The following SBF2 variants were observed in gnomAD, a reference collection of about 807,000 sequenced individuals.
SBF2 encodes SET binding factor 2.
A neutral mutation model predicts 225.2 loss-of-function variants in SBF2; 112 were observed. The ratio of observed to expected loss-of-function variants is 0.50; its 90% confidence interval spans 0.43 to 0.58. The LOEUF (loss-of-function observed/expected upper bound fraction) is 0.58, where lower values mean the gene tolerates loss of function less well. SBF2 is among the 20% of genes least tolerant of loss of function. The probability of loss-of-function intolerance (pLI) is 0.00; values close to 1 mark genes in which losing one functional copy is unlikely to be tolerated. For missense variants in SBF2, 1,996 were observed against 2,206.2 expected (o/e 0.90, Z 1.91); for synonymous variants, 763 against 773.3 (o/e 0.99, Z 0.22).
intron 1 of SBF2, among the ~76,000 whole-genome samples, chr11:10,228,633 G>T (rs1958684020): frequency 6.6e-6 from 1 of 151,934 alleles, no homozygotes; most frequent in Admixed American, 6.6e-5. Context: ...TATTGATTTT[G>T]GCATGTTGAA....
At position 9,992,588 on chromosome 11, in the gene SBF2, C is replaced by T. The variant is rs75298283; in HGVS notation, c.1168-45G>A. 431 of 1,581,486 alleles carry T rather than the reference C, an allele frequency of 2.7e-4. 2 individuals are homozygous for T. The African/African-American group carries it at 3.1e-3, about 11-fold the overall frequency. ...GAAATAATAATTTATCACTTGGTAA[C>T]GGACAAATGGTCAAAACAGAAATAC... On this transcript the variant is annotated intron_variant, in intron 11 of 39. Transcript: ENST00000256190.
At chr11:9,953,205 G>A (rs562691340) in intron 16 of SBF2, among the ~76,000 whole-genome samples, 1 of 152,320 alleles carries the variant, frequency 6.6e-6, no homozygotes, top group Non-Finnish European at 1.5e-5. Flanking sequence ...CAGCACTTTG[G>A]GAGGCTGAGA....
At chr11:9,868,970 G>A (rs1858482622) in intron 17 of SBF2, among the ~76,000 whole-genome samples, 2 of 152,184 alleles carry the variant, frequency 1.3e-5, no homozygotes, top group African/African-American at 4.8e-5. Context: ...AATATTAGAA[G>A]TTGTAAAATT....
At chr11:9,809,544 A>ATTTT (rs35374748) in intron 30 of SBF2, among the ~76,000 whole-genome samples, 1 of 136,330 alleles carries the variant, frequency 7.3e-6, no homozygotes. Flanking sequence ...TGTTTCAGAC[A>ATTTT]TTTTTTTTTT....
Position 10,026,543 on chromosome 11 carries a change from C to A in SBF2, c.619+1909G>T, listed in dbSNP as rs1206278001. On this transcript the variant is annotated intron_variant, in intron 6 of 39. Coordinates refer to ENST00000256190, the MANE Select transcript of SBF2 (RefSeq NM_030962.4). ...CCCAGGAGTCTGAGAACAGCCTGGG[C>A]AACATGGCGAGACCCTGTCTCTATA... Among the ~76,000 whole-genome samples the A allele has an allele frequency of 3.3e-5, 5 of 151,920 alleles. No homozygotes were observed. The South Asian group carries it at 8.3e-4, about 25-fold the overall frequency.
intron 22 of SBF2, among the ~76,000 whole-genome samples, chr11:9,847,502 A>T (rs1856630959): frequency 7.9e-6 from 1 of 126,934 alleles, no homozygotes; most frequent in African/African-American, 2.9e-5. Flanking sequence ...GCAATTTTAT[A>T]GGAAGGGAGG....
At chr11:10,185,061 T>A (rs1956879199) in intron 2 of SBF2, among the ~76,000 whole-genome samples, 1 of 151,960 alleles carries the variant, frequency 6.6e-6, no homozygotes, top group African/African-American at 2.4e-5. Flanking sequence ...TGGCACATGT[T>A]GTAACATGTG....
chr11:10,098,345 T>G (rs1400608670), intron 2 of SBF2, among the ~76,000 whole-genome samples: 1 of 151,974 alleles, frequency 6.6e-6, no homozygotes, highest in East Asian at 1.9e-4. Flanking sequence ...AGAAAAGGTC[T>G]GAAGGACCTC....
chr11:10,160,395 A>G (rs572325121), intron 2 of SBF2, among the ~76,000 whole-genome samples: 8 of 152,200 alleles, frequency 5.3e-5, no homozygotes, highest in Admixed American at 5.2e-4. Flanking sequence ...ATTTTCAGTG[A>G]GTGCTTCAAG....
rs191738351 is a variant in SBF2, at chr11:10,265,883, G to A, written c.55+28132C>T. Reference sequence around the variant, plus strand: ...TGTGTGTGTGTGTGTGTGCGCGCGCGCATGTGTGTGTGTGTTTTAGAGATG... The same window carrying A: ...TGTGTGTGTGTGTGTGTGCGCGCGCACATGTGTGTGTGTGTTTTAGAGATG... On this transcript the variant is annotated intron_variant, in intron 1 of 39. Coordinates refer to ENST00000256190, the MANE Select transcript of SBF2 (RefSeq NM_030962.4). Among the ~76,000 whole-genome samples, 18 of 151,394 alleles carry A rather than the reference G, an allele frequency of 1.2e-4. No individual in the cohort carries two copies. The South Asian group carries it at 3.1e-3, about 26-fold the overall frequency.
At chr11:9,797,942 C>T (rs1371632070) in intron 32 of SBF2, among the ~76,000 whole-genome samples, 1 of 152,118 alleles carries the variant, frequency 6.6e-6, no homozygotes, top group East Asian at 1.9e-4. Flanking sequence ...CACTGTACTC[C>T]AGCCTGGGTG....
At chr11:10,203,145 A>G (rs1455962192) in intron 1 of SBF2, among the ~76,000 whole-genome samples, 2 of 152,176 alleles carry the variant, frequency 1.3e-5, no homozygotes, top group African/African-American at 4.8e-5. Context: ...GTGGGAATCT[A>G]GGGAACCCAA....
chr11:9,942,946 GGAAC>G (rs1865363747), intron 16 of SBF2, among the ~76,000 whole-genome samples: 2 of 85,582 alleles, frequency 2.3e-5, no homozygotes, highest in East Asian at 3.2e-4. Flanking sequence ...AAAGAAGGAA[GGAAC>G]GAAGGAAGGA....
chr11:10,101,508 C>T (rs1952299987), intron 2 of SBF2, among the ~76,000 whole-genome samples: 1 of 152,090 alleles, frequency 6.6e-6, no homozygotes, highest in Non-Finnish European at 1.5e-5. Context: ...GCTTGACCCC[C>T]ACAGCTATGC....
chr11:10,087,359 G>C (rs1012136001), intron 2 of SBF2, among the ~76,000 whole-genome samples: 1 of 151,908 alleles, frequency 6.6e-6, no homozygotes, highest in Non-Finnish European at 1.5e-5. Flanking sequence ...TTTTTCAAGA[G>C]ACAAAGATAA....
At position 10,040,936 on chromosome 11, in the gene SBF2, G is replaced by A. The variant is rs1330279054; in HGVS notation, c.279+1908C>T. ...GTTTAAAATTATTTCCAAATTAAAAGTTTGAAAAATACCCAAGAATTCCTA... is the reference window on the plus strand; with the variant it reads ...GTTTAAAATTATTTCCAAATTAAAAATTTGAAAAATACCCAAGAATTCCTA... On this transcript the variant is annotated intron_variant, in intron 3 of 39. Coordinates refer to ENST00000256190, the MANE Select transcript of SBF2 (RefSeq NM_030962.4). 2.0e-5 allele frequency among the ~76,000 whole-genome samples: 3 copies of A among 152,082 alleles called. No individual in the cohort carries two copies. In the East Asian group the frequency reaches 5.8e-4, roughly 29 times the overall value.
At chr11:10,106,214 G>A (rs1952546278) in intron 2 of SBF2, among the ~76,000 whole-genome samples, 2 of 152,072 alleles carry the variant, frequency 1.3e-5, no homozygotes, top group African/African-American at 4.8e-5. Context: ...TTTAATAGGT[G>A]TAGTTCACTG....
chr11:10,279,656 GTGTT>G (rs1963260676), intron 1 of SBF2, among the ~76,000 whole-genome samples: 1 of 151,902 alleles, frequency 6.6e-6, no homozygotes, highest in African/African-American at 2.4e-5. Flanking sequence ...ATGTTTTTTT[GTGTT>G]TGTTTTTGAG....
chr11:10,115,407 T>A (rs1953086784), intron 2 of SBF2, among the ~76,000 whole-genome samples: 1 of 152,242 alleles, frequency 6.6e-6, no homozygotes, highest in South Asian at 2.1e-4. Context: ...GTCTTCCATG[T>A]ATTCCTTGCA....
Sources: allele counts gnomAD v4.1 joint callset (sites outside exome capture counted in the v4.1 genomes callset), GRCh38; gene constraint gnomAD v4.1.1; transcripts MANE v1.5; gene names NCBI Gene and HGNC (gene_info 2026-07-23, HGNC 2026-07-21).